TCF12: variants seen among roughly 807,000 people sequenced by gnomAD.
TCF12 encodes DNA-binding protein HTF4.
A neutral mutation model predicts 86.0 loss-of-function variants in TCF12; 45 were observed. That is an observed-to-expected ratio of 0.52 (90% CI 0.41 to 0.67). The LOEUF is 0.67. TCF12 is among the 30% of genes least tolerant of loss of function. TCF12 has a pLI of 0.00. For missense variants in TCF12, 881 were observed against 859.9 expected (o/e 1.02, Z -0.31); for synonymous variants, 330 against 299.6 (o/e 1.10, Z -1.05).
intron 3 of TCF12, among the ~76,000 whole-genome samples, chr15:57,015,816 A>G (rs749100475): frequency 1.2e-4 from 19 of 152,304 alleles, no homozygotes; most frequent in Non-Finnish European, 2.6e-4. Flanking sequence ...TTTATATCTT[A>G]CTTGTGGAGT....
At chr15:57,003,548 A>G (rs1001563565) in intron 3 of TCF12, among the ~76,000 whole-genome samples, 4 of 152,164 alleles carry the variant, frequency 2.6e-5, no homozygotes, top group Admixed American at 2.0e-4. Flanking sequence ...CAAAAACACA[A>G]CAATGCAAAA....
At chr15:57,007,814 CTTTCTT>C (rs2064518152) in intron 3 of TCF12, among the ~76,000 whole-genome samples, 10 of 133,862 alleles carry the variant, frequency 7.5e-5, no homozygotes, top group African/African-American at 1.4e-4. Flanking sequence ...TTCTTTCTTT[CTTTCTT>C]TTTCTTTCTT....
intron 15 of TCF12, among the ~76,000 whole-genome samples, chr15:57,252,744 G>T (rs913933131): frequency 2.6e-5 from 4 of 152,052 alleles, no homozygotes; most frequent in Admixed American, 2.0e-4. Flanking sequence ...GGGCATGTGT[G>T]TATCCACAGA....
Position 57,154,195 on chromosome 15 carries a change from T to G in TCF12, c.326-12207T>G, listed in dbSNP as rs147023185. On this transcript the variant is annotated intron_variant, in intron 5 of 20. Coordinates refer to ENST00000333725, the MANE Select transcript of TCF12 (RefSeq NM_207037.2). ...ATTTGGCTTTTTTCATTCTCTGTTT[T>G]CCAGTGGTTTTTGCACATAATTTTA... Among the ~76,000 whole-genome samples the G allele has an allele frequency of 3.8e-3, 581 of 152,248 alleles. 4 individuals carry two copies. Among genetic ancestry groups the G allele is most frequent in the African/African-American group, 0.014 (567 of 41,538 alleles).
At chr15:56,974,306 G>GA (rs1438091197) in intron 3 of TCF12, among the ~76,000 whole-genome samples, 17 of 151,912 alleles carry the variant, frequency 1.1e-4, no homozygotes, top group Admixed American at 8.5e-4. Context: ...AAACAGAGAG[G>GA]AAAAAATGGT....
chr15:57,016,481 G>A (rs530952243), intron 3 of TCF12, among the ~76,000 whole-genome samples: 4 of 152,244 alleles, frequency 2.6e-5, no homozygotes, highest in South Asian at 4.1e-4. Context: ...AGTCAGTACT[G>A]TAGATTGACC....
intron 3 of TCF12, among the ~76,000 whole-genome samples, chr15:57,005,869 C>G (rs1442272808): frequency 6.6e-6 from 1 of 152,170 alleles, no homozygotes. Context: ...CACCCTCAGT[C>G]TGAGTATTTT....
At chr15:57,068,026 T>C (rs1443678065) in intron 4 of TCF12, among the ~76,000 whole-genome samples, 10 of 152,096 alleles carry the variant, frequency 6.6e-5, no homozygotes, top group African/African-American at 2.4e-4. Flanking sequence ...TGTTAATGAC[T>C]TACTCTAGTT....
intron 6 of TCF12, among the ~76,000 whole-genome samples, chr15:57,179,036 GA>G (rs375525749): frequency 0.049 from 7,001 of 142,706 alleles, 272 homozygotes; most frequent in African/African-American, 0.12. Flanking sequence ...GGGAAGTTGA[GA>G]AAAAAAAAAA....
At chr15:57,275,327 GGTGTGTGTGT>G (rs1171707504) in intron 19 of TCF12, among the ~76,000 whole-genome samples, 2 of 64,056 alleles carry the variant, frequency 3.1e-5, no homozygotes, top group East Asian at 4.6e-4. Context: ...GTAAGGTAGG[GGTGTGTGTGT>G]GTGTGTGTGT....
chr15:57,071,730 A>G (rs79430158), intron 4 of TCF12, among the ~76,000 whole-genome samples: 6,459 of 152,236 alleles, frequency 0.042, 378 homozygotes, highest in African/African-American at 0.14. Context: ...TTACGAAAAT[A>G]ATTTTCTTGG....
At chr15:56,999,223 G>T (rs567057715) in intron 3 of TCF12, among the ~76,000 whole-genome samples, 2 of 150,912 alleles carry the variant, frequency 1.3e-5, no homozygotes, top group South Asian at 2.1e-4. Context: ...AGGGGGGAGC[G>T]GGGAGAAACT....
At chr15:57,166,316 A>T (rs1299825721) in intron 5 of TCF12, 86 bp from the exon 6 acceptor site, 28 of 1,100,974 alleles carry the variant, frequency 2.5e-5, no homozygotes, top group Non-Finnish European at 3.7e-5. Flanking sequence ...TAAAACTGCA[A>T]TATAATTACC....
chr15:57,217,621 T>C (rs926133529), intron 8 of TCF12, among the ~76,000 whole-genome samples: 4 of 152,182 alleles, frequency 2.6e-5, no homozygotes, highest in Admixed American at 1.3e-4. Flanking sequence ...GTATTGTCAG[T>C]GCTTTGTGGC....
intron 3 of TCF12, among the ~76,000 whole-genome samples, chr15:56,994,951 G>A (rs2585076): frequency 0.22 from 34,153 of 151,902 alleles, 3,903 homozygotes; most frequent in Middle Eastern, 0.24. Flanking sequence ...TTTAAAATAC[G>A]TTGGATAATT....
At chr15:57,183,282 G>A (rs913060147) in intron 6 of TCF12, among the ~76,000 whole-genome samples, 8 of 152,082 alleles carry the variant, frequency 5.3e-5, no homozygotes, top group African/African-American at 9.7e-5. Context: ...CTCATTCTGC[G>A]TGTATGAATA....
chr15:57,110,461 T>C (rs1478230785), intron 5 of TCF12, among the ~76,000 whole-genome samples: 3 of 152,198 alleles, frequency 2.0e-5, no homozygotes, highest in Admixed American at 1.3e-4. Flanking sequence ...TAATACAGAA[T>C]CTAAACAAAT....
intron 11 of TCF12, 101 bp downstream of exon 11, chr15:57,232,957 T>G: frequency 5.9e-6 from 4 of 680,280 alleles, no homozygotes; most frequent in Non-Finnish European, 7.8e-6. Flanking sequence ...ATATAAATGT[T>G]ATATATATGT....
intron 3 of TCF12, among the ~76,000 whole-genome samples, chr15:56,933,299 G>A (rs1225730469): frequency 2.0e-5 from 3 of 152,166 alleles, no homozygotes; most frequent in Non-Finnish European, 4.4e-5. Flanking sequence ...AGGTAATAAT[G>A]CTAATATTGA....
Sources: gnomAD v4.1 joint callset for allele counts (sites outside exome capture counted in the v4.1 genomes callset) on GRCh38, gnomAD v4.1.1 for gene constraint, MANE v1.5 for transcripts, NCBI Gene and HGNC (gene_info 2026-07-23, HGNC 2026-07-21) for gene names.